The following NFATC2IP variants were observed in gnomAD, a reference collection of about 807,000 sequenced individuals.
The protein encoded by NFATC2IP is NFATC2-interacting protein.
NFATC2IP carries 25 observed loss-of-function variants against 40.2 expected under a neutral mutation model. That is an observed-to-expected ratio of 0.62 (90% CI 0.45 to 0.87). The LOEUF is 0.87. NFATC2IP is among the 40% of genes least tolerant of loss of function. The pLI is 0.00. For missense variants in NFATC2IP, 553 were observed against 555.6 expected (o/e 1.00, Z 0.05); for synonymous variants, 241 against 236.3 (o/e 1.02, Z -0.18).
In NFATC2IP at chr16:28,956,012, C is replaced by T. The variant is rs1348148973; in HGVS notation, c.613C>T (p.Pro205Ser). The change falls in exon 4 of 8, where the codon CCA (proline) becomes TCA (serine). Residue 205 changes from proline (P) to serine (S), a missense_variant. Transcript: ENST00000320805. ...LDNSPLSPPSPRTKSRTHTRA... is the reference protein window; with the variant it reads ...LDNSPLSPPSSRTKSRTHTRA... Reference sequence around the variant, plus strand: ...CAACTCTCCTCTGTCCCCACCTTCACCAAGGACCAAAAGCAGAACGCATAC... The same window carrying T: ...CAACTCTCCTCTGTCCCCACCTTCATCAAGGACCAAAAGCAGAACGCATAC... The T allele has an allele frequency of 6.8e-6, 11 of 1,614,026 alleles. No homozygotes were observed. The East Asian group carries it at 1.8e-4, about 26-fold the overall frequency.
intron 5 of NFATC2IP, 56 bp from the exon 6 acceptor site, chr16:28,958,661 G>A (rs769101534): frequency 4.7e-6 from 7 of 1,491,554 alleles, no homozygotes; most frequent in Admixed American, 3.7e-5. Flanking sequence ...TGGTGTGGCT[G>A]GGGGCATGGA....
intron 7 of NFATC2IP, among the ~76,000 whole-genome samples, chr16:28,961,357 A>G (rs1009686001): frequency 7.0e-6 from 1 of 142,768 alleles, no homozygotes; most frequent in East Asian, 2.1e-4. Flanking sequence ...AAAAAAAATT[A>G]TTCCAGCCCT....
rs1451907097 is a variant in NFATC2IP at position 28,963,905 on chromosome 16, G to T, written c.*42G>T. ...TGACGGCCCAGCCTGGACTTGGGGA[G>T]AATGACTTTCCCTTTTTTGCCCCAT... On this transcript the variant is annotated 3_prime_UTR_variant, in exon 8 of 8. Transcript: ENST00000320805. 2 of 1,597,930 alleles carry T rather than the reference G, an allele frequency of 1.3e-6. No homozygotes were observed. Among genetic ancestry groups the T allele is most frequent in the African/African-American group, 2.7e-5 (2 of 74,422 alleles).
intron 2 of NFATC2IP, 176 bp downstream of exon 2, chr16:28,952,380 A>C (rs1964976994): frequency 9.9e-7 from 1 of 1,014,360 alleles, no homozygotes; most frequent in Non-Finnish European, 1.4e-6. Context: ...GAATGTATTA[A>C]TGTATACATT....
rs1365007957 is a variant in NFATC2IP, at chr16:28,966,779, T to G, written c.*2916T>G. 6.6e-6 allele frequency: 1 copy of G among 150,464 alleles called. No homozygotes were observed. The highest frequency in any genetic ancestry group is 1.5e-5 in the Non-Finnish European group (1 of 67,668). 9.3% of individuals were successfully genotyped at this position (150,464 alleles called of 1,614,324 possible). A position where few individuals can be genotyped will look rare whatever the true frequency, so the allele number is the denominator to read the frequency against. On this transcript the variant is annotated 3_prime_UTR_variant, in exon 8 of 8. Coordinates refer to ENST00000320805, the MANE Select transcript of NFATC2IP (RefSeq NM_032815.4). Reference sequence around the variant, plus strand: ...CTGTCTCAAAAAAAAAAAAAAAAATTCAGTGAAATACACCTTTATATATGA... The same window carrying G: ...CTGTCTCAAAAAAAAAAAAAAAAATGCAGTGAAATACACCTTTATATATGA...
At chr16:28,953,395 A>G (rs62037423) in intron 2 of NFATC2IP, among the ~76,000 whole-genome samples, 41,466 of 152,072 alleles carry the variant, frequency 0.27, 6,786 homozygotes, top group Middle Eastern at 0.37. Flanking sequence ...TTAATTTCTC[A>G]GTGCTTCAAT....
At chr16:28,954,764 G>T in intron 3 of NFATC2IP, 82 bp downstream of exon 3, 4 of 797,012 alleles carry the variant, frequency 5.0e-6, no homozygotes, top group Non-Finnish European at 8.5e-6. Context: ...ACTCTTGGGT[G>T]ACTCCTGAAA....
rs1460608506 is a variant in NFATC2IP at position 28,951,226 on chromosome 16, A to G, written c.215A>G (p.Glu72Gly). Residue 72 changes from glutamate (E) to glycine (G), a missense_variant, in exon 1 of 8, where the codon GAG becomes GGG. Transcript: ENST00000320805. Reference sequence around the variant, plus strand: ...GCTCGCGGTGCCGCGGACGAGGTTGAGGTGGAGCCCCCGGAGCCCCCGGGG... The same window carrying G: ...GCTCGCGGTGCCGCGGACGAGGTTGGGGTGGAGCCCCCGGAGCCCCCGGGG... The part of the protein sequence containing the change: ...ATARGAADEV[E>G]VEPPEPPGPV... 3.3e-6 allele frequency: 5 copies of G among 1,524,568 alleles called. No homozygotes were observed. Among genetic ancestry groups the G allele is most frequent in the Non-Finnish European group, 3.5e-6 (4 of 1,132,122 alleles). The allele number at this position is 1,524,568 out of a possible 1,614,324, so 94.4% of individuals were successfully genotyped here. A position where few individuals can be genotyped will look rare whatever the true frequency, so the allele number is the denominator to read the frequency against.
chr16:28,958,767 G>A lies in NFATC2IP; in HGVS notation c.897G>A (p.Val299=). 1 of 1,612,942 alleles carries A rather than the reference G, an allele frequency of 6.2e-7. No homozygotes were observed. The highest frequency in any genetic ancestry group is 8.5e-7 in the Non-Finnish European group (1 of 1,178,940). Residue 299 remains valine, a synonymous_variant, in exon 6 of 8, where the codon GTG becomes GTA. Transcript: ENST00000320805. ...VVDHMATHLG[V]SPSRILLLFG... is the part of the protein sequence containing the mutation. ...ACCACATGGCCACCCACCTTGGGGT[G>A]TCCCCAAGCAGGATCCTTTTGCTTT...
chr16:28,961,484 T>G (rs771790381), intron 7 of NFATC2IP, among the ~76,000 whole-genome samples: 1 of 152,070 alleles, frequency 6.6e-6, no homozygotes, highest in Non-Finnish European at 1.5e-5. Context: ...CAACATAAAT[T>G]TATTCTCTCA....
chr16:28,962,443 G>A (rs1248023333), intron 7 of NFATC2IP, among the ~76,000 whole-genome samples: 3 of 152,146 alleles, frequency 2.0e-5, no homozygotes, highest in Admixed American at 6.6e-5. Context: ...TTTTATGGAA[G>A]CTTTGTTATA....
chr16:28,963,607 C>G (rs1965111913), intron 7 of NFATC2IP, 98 bp from the exon 8 acceptor site: 1 of 1,077,952 alleles, frequency 9.3e-7, no homozygotes, highest in African/African-American at 1.6e-5. Flanking sequence ...GTTTCCGCCC[C>G]TGCCGCCATC....
chr16:28,955,740 A>G lies in NFATC2IP; in HGVS notation c.579-238A>G, dbSNP rs557651774. 4.6e-5 allele frequency among the ~76,000 whole-genome samples: 7 copies of G among 152,170 alleles called. No individual in the cohort carries two copies. The South Asian group carries it at 1.5e-3, about 32-fold the overall frequency. On this transcript the variant is annotated intron_variant, in intron 3 of 7. Coordinates refer to ENST00000320805, the MANE Select transcript of NFATC2IP (RefSeq NM_032815.4). ...CAGCCTCCTGAGTAGCTGGGACTAC[A>G]GCTGTGTTCTACTATGCCTGGCTAA... is the stretch of plus-strand genomic sequence containing the variant.
Position 28,956,326 on chromosome 16 carries a change from C to A in NFATC2IP, c.835C>A (p.Pro279Thr), listed in dbSNP as rs1338641062. 1 of 1,613,472 alleles carries A rather than the reference C, an allele frequency of 6.2e-7. No individual in the cohort carries two copies. Among genetic ancestry groups the A allele is most frequent in the Non-Finnish European group, 8.5e-7 (1 of 1,179,622 alleles). Residue 279 changes from proline to threonine, a missense_variant, in exon 5 of 8, where the codon CCC becomes ACC. Coordinates refer to ENST00000320805, the MANE Select transcript of NFATC2IP (RefSeq NM_032815.4). ...TTGCCGGGCTGACCTGGTCAGATTG[C>A]CCCTCAGGATGGTGAGTGCCTGAGG... ...IRCRADLVRLPLRMSEPLQSV... is the reference protein window; with the variant it reads ...IRCRADLVRLTLRMSEPLQSV...
intron 2 of NFATC2IP, among the ~76,000 whole-genome samples, chr16:28,953,779 A>G (rs1312441439): frequency 6.6e-6 from 1 of 152,038 alleles, no homozygotes; most frequent in Non-Finnish European, 1.5e-5. Flanking sequence ...TTAACCAGGC[A>G]TGGTGATGTG....
chr16:28,952,082 G>C (rs773742554), intron 1 of NFATC2IP, 50 bp from the exon 2 acceptor site: 1 of 1,605,378 alleles, frequency 6.2e-7, no homozygotes, highest in Non-Finnish European at 8.5e-7. Context: ...TTTTTCTTTC[G>C]GTAGGGGAAG....
chr16:28,958,648 G>GGGT, intron 5 of NFATC2IP, 69 bp from the exon 6 acceptor site: 2 of 1,328,202 alleles, frequency 1.5e-6, no homozygotes, highest in East Asian at 2.3e-5. Flanking sequence ...GCTTGTGTTT[G>GGGT]GGTGGTGTGG....
At chr16:28,962,428 T>TG (rs1965098257) in intron 7 of NFATC2IP, among the ~76,000 whole-genome samples, 1 of 152,170 alleles carries the variant, frequency 6.6e-6, no homozygotes, top group African/African-American at 2.4e-5. Context: ...CCCTGTCCTC[T>TG]GGATTTTTAT....
intron 2 of NFATC2IP, among the ~76,000 whole-genome samples, chr16:28,953,330 C>A (rs1267132898): frequency 6.6e-6 from 1 of 152,180 alleles, no homozygotes; most frequent in African/African-American, 2.4e-5. Context: ...GCCTTGGTCA[C>A]CCAAAGTGCT....
Sources: allele counts gnomAD v4.1 joint callset (sites outside exome capture counted in the v4.1 genomes callset), GRCh38; gene constraint gnomAD v4.1.1; transcripts MANE v1.5; gene names NCBI Gene and HGNC (gene_info 2026-07-23, HGNC 2026-07-21).